PLEKHG7: variants seen among roughly 807,000 people sequenced by gnomAD.
PLEKHG7 encodes pleckstrin homology and RhoGEF domain containing G7, also known as pleckstrin homology domain-containing family G member 7.
PLEKHG7 carries 77 observed loss-of-function variants against 85.2 expected under a neutral mutation model. That is an observed-to-expected ratio of 0.90 (90% CI 0.75 to 1.09). PLEKHG7 has a LOEUF of 1.09. Ranked by LOEUF, PLEKHG7 falls within the 50% of genes least tolerant of loss-of-function variation. PLEKHG7 has a pLI of 0.00. For missense variants in PLEKHG7, 777 were observed against 804.3 expected, an observed-to-expected ratio of 0.97 and a Z score of 0.41; for synonymous variants, 301 against 302.4, an observed-to-expected ratio of 1.00 and a Z score of 0.05.
At chr12:92,721,368 A>C (rs2136582083) in intron 3 of PLEKHG7, 2 of 989,966 alleles carry the variant, frequency 2.0e-6, no homozygotes. Flanking sequence ...GGATGCTCTG[A>C]ATTGTTGCTT....
At position 92,706,540 on chromosome 12, in the gene PLEKHG7, A is replaced by T; in HGVS notation, c.-92A>T. Reference sequence around the variant, plus strand: ...CTACGAGAGGAAGCATGGCACTTGGATGCAGAAATTGAGCACCCTCCATGT... The same window carrying T: ...CTACGAGAGGAAGCATGGCACTTGGTTGCAGAAATTGAGCACCCTCCATGT... On this transcript the variant is annotated 5_prime_UTR_variant, in exon 2 of 17. An upstream start codon of the reference 5' UTR is lost. Transcript: ENST00000344636. The T allele has an allele frequency of 6.9e-7, 1 of 1,439,340 alleles. No individual in the cohort carries two copies. Among genetic ancestry groups the T allele is most frequent in the South Asian group, 1.4e-5 (1 of 69,424 alleles). 89.2% of individuals were successfully genotyped at this position (1,439,340 alleles called of 1,614,324 possible).
rs756503356 is a variant in PLEKHG7, at chr12:92,754,265, G to C, written c.1426+1G>C. 1 of 1,613,182 alleles carries C rather than the reference G, an allele frequency of 6.2e-7. No homozygotes were observed. Among genetic ancestry groups the C allele is most frequent in the Admixed American group, 1.7e-5 (1 of 60,012 alleles). On this transcript the variant is annotated splice_donor_variant, in intron 11 of 16. Coordinates refer to ENST00000344636, the MANE Select transcript of PLEKHG7 (RefSeq NM_001377329.1). LOFTEE classifies it high-confidence loss of function. ...AAGGAAAAGGTGGAAAAGTCCATCC[G>C]TAAGTCCCTGAGATAAGTGAGCTTA... is the stretch of plus-strand genomic sequence containing the variant.
In PLEKHG7 at chr12:92,706,960, C is replaced by T. The variant is rs770542141; in HGVS notation, c.329C>T (p.Ser110Phe). 2 of 1,614,204 alleles carry T rather than the reference C, an allele frequency of 1.2e-6. No individual in the cohort carries two copies. Among genetic ancestry groups the T allele is most frequent in the South Asian group, 2.2e-5 (2 of 91,080 alleles). The change falls in exon 2 of 17, where the codon TCT (serine) becomes TTT (phenylalanine). Residue 110 changes from serine (S) to phenylalanine (F), a missense_variant. Physicochemically the swap from Ser to Phe is radical, Grantham distance 155. Transcript: ENST00000344636. ...TTGAGACTCCACTCAAGATTGACCT[C>T]TGAACCTGAAAGGGCCCTGAATGCA... Reference protein sequence around the residue: ...SPLRLHSRLTSEPERALNAAD... With the variant: ...SPLRLHSRLTFEPERALNAAD...
At chr12:92,703,869 G>A (rs1349985203) in intron 1 of PLEKHG7, among the ~76,000 whole-genome samples, 1 of 152,106 alleles carries the variant, frequency 6.6e-6, no homozygotes, top group Admixed American at 6.6e-5. Flanking sequence ...GTGTCTGAAC[G>A]ACTACAAAGG....
chr12:92,707,331 A>C, intron 2 of PLEKHG7, 193 bp downstream of exon 2: 1 of 1,429,662 alleles, frequency 7.0e-7, no homozygotes, highest in African/African-American at 1.4e-5. Flanking sequence ...CTGGGGAGGA[A>C]AGAAAATGAT....
At position 92,754,234 on chromosome 12, in the gene PLEKHG7, T is replaced by A; in HGVS notation, c.1396T>A (p.Ser466Thr). Residue 466 changes from serine (S) to threonine (T), a missense_variant, in exon 11 of 17, where the codon TCC becomes ACC. Ser to Thr is a moderately conservative substitution (Grantham distance 58, BLOSUM62 1). Around this residue, in one of 3 missense-constraint regions of PLEKHG7, gnomAD observed 520 missense variants for 544.0 expected, o/e 0.96. Transcript: ENST00000344636. ...MDSAEKIMIYSIKEKVEKSIR... is the reference protein window; with the variant it reads ...MDSAEKIMIYTIKEKVEKSIR... ...CTCTGCTGAGAAAATCATGATCTAC[T>A]CCATCAAGGAAAAGGTGGAAAAGTC... 1 of 1,613,924 alleles carries A rather than the reference T, an allele frequency of 6.2e-7. No homozygotes were observed. The highest frequency in any genetic ancestry group is 8.5e-7 in the Non-Finnish European group (1 of 1,179,928).
intron 3 of PLEKHG7, among the ~76,000 whole-genome samples, chr12:92,718,461 C>T (rs1871550603): frequency 6.6e-6 from 1 of 152,156 alleles, no homozygotes; most frequent in Non-Finnish European, 1.5e-5. Flanking sequence ...TGTTTATTGC[C>T]TTATCCCCGG....
At chr12:92,714,727 G>T (rs1380256884) in intron 3 of PLEKHG7, among the ~76,000 whole-genome samples, 3 of 152,098 alleles carry the variant, frequency 2.0e-5, no homozygotes, top group Non-Finnish European at 1.5e-5. Flanking sequence ...TATGTCAAAG[G>T]TATTATGTAT....
At chr12:92,761,448 AG>A (rs1360693442) in intron 13 of PLEKHG7, among the ~76,000 whole-genome samples, 1 of 152,048 alleles carries the variant, frequency 6.6e-6, no homozygotes, top group Non-Finnish European at 1.5e-5. Flanking sequence ...TTCAACATTG[AG>A]GCAGGCAGCT....
At chr12:92,712,462 T>C (rs1871383388) in intron 3 of PLEKHG7, among the ~76,000 whole-genome samples, 1 of 152,138 alleles carries the variant, frequency 6.6e-6, no homozygotes, top group South Asian at 2.1e-4. Context: ...GCAGCTGCAA[T>C]TGGAGTCACC....
intron 10 of PLEKHG7, among the ~76,000 whole-genome samples, chr12:92,749,318 G>A (rs369718354): frequency 6.6e-6 from 1 of 151,572 alleles, no homozygotes; most frequent in South Asian, 2.1e-4. Context: ...TTGAGACAGA[G>A]TCTGACTCTG....
rs1295695227 is a variant in PLEKHG7, at chr12:92,706,898, A to G, written c.267A>G (p.Pro89=). ...GFPCYLSKSL[P]GSPKDSSHLL... is the part of the protein sequence containing the mutation. ...CATGTTACCTTTCGAAGAGCCTGCC[A>G]GGAAGCCCAAAGGATTCTTCACACT... Residue 89 remains proline, a synonymous_variant, in exon 2 of 17, where the codon CCA becomes CCG. Coordinates refer to ENST00000344636, the MANE Select transcript of PLEKHG7 (RefSeq NM_001377329.1). The G allele has an allele frequency of 6.2e-7, 1 of 1,614,110 alleles. No individual in the cohort carries two copies. Among genetic ancestry groups the G allele is most frequent in the Non-Finnish European group, 8.5e-7 (1 of 1,180,014 alleles).
intron 3 of PLEKHG7, among the ~76,000 whole-genome samples, chr12:92,715,020 A>T (rs891477766): frequency 1.3e-4 from 7 of 54,830 alleles, no homozygotes; most frequent in South Asian, 5.4e-4. Flanking sequence ...AACTAATGGG[A>T]TAGATAGATA....
At chr12:92,747,332 C>A (rs1872561363) in intron 10 of PLEKHG7, among the ~76,000 whole-genome samples, 1 of 52,734 alleles carries the variant, frequency 1.9e-5, no homozygotes, top group Non-Finnish European at 4.1e-5. Flanking sequence ...TATCATCTTA[C>A]CCCAGTTAAA....
chr12:92,763,321 A>C (rs1273384354), intron 14 of PLEKHG7, among the ~76,000 whole-genome samples: 1 of 152,200 alleles, frequency 6.6e-6, no homozygotes, highest in African/African-American at 2.4e-5. Context: ...AGAGCATGGA[A>C]TCTATTAAGA....
chr12:92,766,319 C>T (rs113568224), intron 15 of PLEKHG7, among the ~76,000 whole-genome samples: 10 of 152,156 alleles, frequency 6.6e-5, no homozygotes, highest in South Asian at 6.2e-4. Context: ...TACAGTTATA[C>T]GCTATATAGT....
intron 5 of PLEKHG7, among the ~76,000 whole-genome samples, chr12:92,736,059 C>A (rs1201428090): frequency 6.6e-6 from 1 of 152,202 alleles, no homozygotes; most frequent in Middle Eastern, 3.4e-3. Flanking sequence ...TTTATTTTGT[C>A]ATCTGCTAAA....
chr12:92,761,687 G>GAAA, intron 13 of PLEKHG7, 65 bp from the exon 14 acceptor site: 1 of 1,318,192 alleles, frequency 7.6e-7, no homozygotes, highest in Non-Finnish European at 9.9e-7. Flanking sequence ...AGAAAGAAAG[G>GAAA]GAAAGAAAAA....
At chr12:92,721,420 T>C (rs1207261657) in intron 3 of PLEKHG7, 7 of 1,215,180 alleles carry the variant, frequency 5.8e-6, no homozygotes, top group African/African-American at 1.6e-5. Context: ...CAGCAGAGCA[T>C]AGAATAAGGA....
Sources: gnomAD v4.1 joint callset for allele counts (sites outside exome capture counted in the v4.1 genomes callset) on GRCh38, gnomAD v4.1.1 for gene constraint, gnomAD v4.1.1 regional missense constraint, MANE v1.5 for transcripts, NCBI Gene and HGNC (gene_info 2026-07-23, HGNC 2026-07-21) for gene names.